NR6A1: variants seen among roughly 807,000 people sequenced by gnomAD.
NR6A1 encodes nuclear receptor subfamily 6 group A member 1.
In NR6A1, 7 loss-of-function variants were observed where a neutral mutation model predicts 59.1. That is an observed-to-expected ratio of 0.12 (90% CI 0.07 to 0.22). The LOEUF (loss-of-function observed/expected upper bound fraction) is 0.22, where lower values mean the gene tolerates loss of function less well. Ranked by LOEUF, NR6A1 falls within the 10% of genes least tolerant of loss-of-function variation. NR6A1 has a pLI of 1.00. For missense variants in NR6A1, 468 were observed against 611.6 expected, an observed-to-expected ratio of 0.77 and a Z score of 2.48; for synonymous variants, 243 against 236.1, an observed-to-expected ratio of 1.03 and a Z score of -0.27.
chr9:124,564,139 CTTTAA>C (rs1834165269), intron 2 of NR6A1, among the ~76,000 whole-genome samples: 2 of 152,018 alleles, frequency 1.3e-5, no homozygotes, highest in Non-Finnish European at 2.9e-5. Context: ...ATAAATAGTG[CTTTAA>C]TTTAAAAAAG....
intron 2 of NR6A1, among the ~76,000 whole-genome samples, chr9:124,619,551 C>T (rs1193634614): frequency 1.3e-5 from 2 of 152,144 alleles, no homozygotes; most frequent in Non-Finnish European, 2.9e-5. Flanking sequence ...GCATGAGCCA[C>T]CATACCTGGA....
At chr9:124,766,563 C>T (rs4838209) in intron 1 of NR6A1, among the ~76,000 whole-genome samples, 93,990 of 151,994 alleles carry the variant, frequency 0.62, 30,615 homozygotes, top group African/African-American at 0.83. Context: ...GGCACTTTTA[C>T]TGTCCTACTT....
rs551265351 is a variant in NR6A1 at position 124,568,537 on chromosome 9, G to A, written c.143-13967C>T. Reference sequence around the variant, plus strand: ...CAGTCTTTTAAGAGGAGAATGAAATGTAATCATGTAATCAACCCATGCTTT... The same window carrying A: ...CAGTCTTTTAAGAGGAGAATGAAATATAATCATGTAATCAACCCATGCTTT... On this transcript the variant is annotated intron_variant, in intron 2 of 9. Coordinates refer to ENST00000487099, the MANE Select transcript of NR6A1 (RefSeq NM_033334.4). Among the ~76,000 whole-genome samples the A allele has an allele frequency of 3.3e-5, 5 of 151,230 alleles. 1 individual carries two copies. The South Asian group carries it at 1.0e-3, about 32-fold the overall frequency.
chr9:124,642,705 G>A (rs1836801132), intron 2 of NR6A1, among the ~76,000 whole-genome samples: 2 of 152,130 alleles, frequency 1.3e-5, no homozygotes, highest in South Asian at 4.1e-4. Flanking sequence ...TAACTGTGGG[G>A]CAGGGTGGTG....
intron 2 of NR6A1, among the ~76,000 whole-genome samples, chr9:124,680,086 ATGTATGTG>A (rs1000178420): frequency 2.6e-4 from 36 of 137,582 alleles, no homozygotes; most frequent in African/African-American, 1.2e-3. Context: ...GTCTGTGTGT[ATGTATGTG>A]TGTGTGTGTG....
At chr9:124,765,279 T>C (rs1472601177) in intron 1 of NR6A1, among the ~76,000 whole-genome samples, 1 of 152,166 alleles carries the variant, frequency 6.6e-6, no homozygotes, top group Non-Finnish European at 1.5e-5. Flanking sequence ...TTAAAGAAAC[T>C]CAGAACACTT....
In NR6A1 at chr9:124,687,107, CT is replaced by C. The variant is rs551488710; in HGVS notation, c.142+46200del. On this transcript the variant is annotated intron_variant, in intron 2 of 9. Transcript: ENST00000487099. ...CTCAGTTACTTGGCCTGTCCACATCCTTTTTTTTTTTTCTTTCCTTTTAAGA... is the reference window on the plus strand; with the variant it reads ...CTCAGTTACTTGGCCTGTCCACATCCTTTTTTTTTTTCTTTCCTTTTAAGA... 2.5e-3 allele frequency among the ~76,000 whole-genome samples: 358 copies of C among 145,138 alleles called. 2 individuals carry two copies. The highest frequency in any genetic ancestry group is 0.019 in the South Asian group (87 of 4,588).
chr9:124,602,022 T>C (rs568891323), intron 2 of NR6A1, among the ~76,000 whole-genome samples: 2 of 152,334 alleles, frequency 1.3e-5, no homozygotes, highest in South Asian at 2.1e-4. Flanking sequence ...AACCAAATAA[T>C]TGTAAAAAGA....
At chr9:124,558,462 TC>T (rs1330451439) in intron 2 of NR6A1, among the ~76,000 whole-genome samples, 3 of 151,914 alleles carry the variant, frequency 2.0e-5, no homozygotes, top group African/African-American at 7.3e-5. Context: ...AAAGGCTCTC[TC>T]CAGATCAATC....
chr9:124,570,916 T>A (rs1834420651), intron 2 of NR6A1, among the ~76,000 whole-genome samples: 1 of 152,232 alleles, frequency 6.6e-6, no homozygotes, highest in Non-Finnish European at 1.5e-5. Flanking sequence ...AATTCTTACT[T>A]CTTGTCTCAA....
chr9:124,544,444 A>C (rs1256501908), intron 3 of NR6A1, among the ~76,000 whole-genome samples: 1 of 152,242 alleles, frequency 6.6e-6, no homozygotes, highest in South Asian at 2.1e-4. Flanking sequence ...ACTACTACTA[A>C]TATTATCATC....
At position 124,517,851 on chromosome 9, in the gene NR6A1, G is replaced by T. The variant is rs1832721144; in HGVS notation, c.*4854C>A. On this transcript the variant is annotated 3_prime_UTR_variant, in exon 10 of 10. Transcript: ENST00000487099. ...AACACCAACACCCCAGGGCAGGCGG[G>T]GCTTCTTTCCCGACAGAAACATGTA... 2.0e-5 allele frequency: 3 copies of T among 152,080 alleles called. No homozygotes were observed. Among genetic ancestry groups the T allele is most frequent in the Admixed American group, 2.0e-4 (3 of 15,266 alleles). 9.4% of individuals were successfully genotyped at this position (152,080 alleles called of 1,614,324 possible).
chr9:124,548,493 A>G (rs1014540524), intron 3 of NR6A1, among the ~76,000 whole-genome samples: 11 of 152,152 alleles, frequency 7.2e-5, no homozygotes, highest in African/African-American at 2.7e-4. Context: ...TTTTTGGTAT[A>G]ATAAAATGTA....
chr9:124,537,046 T>G (rs969182778), intron 6 of NR6A1, among the ~76,000 whole-genome samples: 3 of 151,788 alleles, frequency 2.0e-5, no homozygotes, highest in Non-Finnish European at 2.9e-5. Flanking sequence ...TTGCCAAGAC[T>G]TTTCCTCACA....
chr9:124,579,091 G>A lies in NR6A1; in HGVS notation c.143-24521C>T, dbSNP rs541412684. Among the ~76,000 whole-genome samples the A allele has an allele frequency of 6.0e-4, 91 of 152,312 alleles. 1 individual carries two copies. In the South Asian group the frequency reaches 0.018, roughly 31 times the overall value. On this transcript the variant is annotated intron_variant, in intron 2 of 9. Coordinates refer to ENST00000487099, the MANE Select transcript of NR6A1 (RefSeq NM_033334.4). ...GAGCCCAGGAGTTCAAGACCAGCCT[G>A]GGCAACATAGGGAGACTCCATCTCT...
chr9:124,750,384 C>T (rs1179740654), intron 1 of NR6A1, among the ~76,000 whole-genome samples: 1 of 152,212 alleles, frequency 6.6e-6, no homozygotes, highest in Non-Finnish European at 1.5e-5. Flanking sequence ...TCCTAAACCT[C>T]ACAACAGCAT....
chr9:124,745,402 C>T (rs1485184417), intron 1 of NR6A1, among the ~76,000 whole-genome samples: 1 of 152,256 alleles, frequency 6.6e-6, no homozygotes, highest in South Asian at 2.1e-4. Flanking sequence ...CAGGGCACAG[C>T]GGCTCACGCC....
chr9:124,718,803 CTTTTTTTT>C (rs11316308), intron 2 of NR6A1, among the ~76,000 whole-genome samples: 7 of 64,538 alleles, frequency 1.1e-4, no homozygotes, highest in Admixed American at 2.5e-4. Context: ...AAATTGTTAC[CTTTTTTTT>C]TTTTTTTTTT....
At chr9:124,719,453 G>C (rs1588826238) in intron 2 of NR6A1, among the ~76,000 whole-genome samples, 1 of 152,130 alleles carries the variant, frequency 6.6e-6, no homozygotes, top group East Asian at 1.9e-4. Context: ...GTTTTAATAG[G>C]TATCAGATTA....
Sources: allele counts gnomAD v4.1 joint callset (sites outside exome capture counted in the v4.1 genomes callset), GRCh38; gene constraint gnomAD v4.1.1; transcripts MANE v1.5; gene names NCBI Gene and HGNC (gene_info 2026-07-23, HGNC 2026-07-21).